The following LGI1 variants were observed in gnomAD, a reference collection of about 807,000 sequenced individuals.
LGI1 encodes the protein leucine-rich glioma-inactivated protein 1.
LGI1 carries 11 observed loss-of-function variants against 57.7 expected under a neutral mutation model. The observed-to-expected ratio is 0.19, with a 90% CI of 0.12 to 0.32. The LOEUF (loss-of-function observed/expected upper bound fraction) is 0.32, where lower values mean the gene tolerates loss of function less well. LGI1 is among the 10% of genes least tolerant of loss of function. The probability of loss-of-function intolerance (pLI) is 1.00; values close to 1 mark genes in which losing one functional copy is unlikely to be tolerated. For missense variants in LGI1, 422 were observed against 661.9 expected, an observed-to-expected ratio of 0.64 and a Z score of 3.98; for synonymous variants, 222 against 241.9, an observed-to-expected ratio of 0.92 and a Z score of 0.76.
At chr10:93,783,218 T>C (rs1004818621) in intron 4 of LGI1, among the ~76,000 whole-genome samples, 7 of 151,582 alleles carry the variant, frequency 4.6e-5, no homozygotes, top group Non-Finnish European at 1.0e-4. Context: ...CTACTAAAAA[T>C]ACAAAAAATT....
intron 2 of LGI1, chr10:93,768,932 T>A (rs898999783): frequency 6.6e-6 from 1 of 152,222 alleles, no homozygotes; most frequent in Non-Finnish European, 1.5e-5. Flanking sequence ...GTTGGTAATC[T>A]AATTAAGGAT....
chr10:93,787,284 C>A (rs937446305), intron 4 of LGI1, among the ~76,000 whole-genome samples: 3 of 152,178 alleles, frequency 2.0e-5, no homozygotes, highest in Non-Finnish European at 2.9e-5. Context: ...AATCCACCCA[C>A]CATTTCTCCC....
chr10:93,758,886 C>T lies in LGI1; in HGVS notation c.287+55C>T. ...TAATATGGCATATATTTGGATAAGC[C>T]TTCTAGTAAAATGATCTCAATATTA... On this transcript the variant is annotated intron_variant, in intron 2 of 7. Coordinates refer to ENST00000371418, the MANE Select transcript of LGI1 (RefSeq NM_005097.4). This position sits in a 1 kb window ranked among gnomAD's most constrained non-coding sequence, Gnocchi z 4.7. The T allele has an allele frequency of 8.2e-7, 1 of 1,215,314 alleles. No individual in the cohort carries two copies. The highest frequency in any genetic ancestry group is 1.2e-5 in the South Asian group (1 of 81,482). The allele number at this position is 1,215,314 out of a possible 1,614,324, so 75.3% of individuals were successfully genotyped here.
chr10:93,790,197 C>T, intron 5 of LGI1, 27 bp downstream of exon 5: 1 of 1,540,832 alleles, frequency 6.5e-7, no homozygotes, highest in Non-Finnish European at 8.9e-7. Flanking sequence ...AATCACTGAA[C>T]AATTAATTAA....
intron 4 of LGI1, among the ~76,000 whole-genome samples, chr10:93,784,210 G>A (rs965116470): frequency 2.0e-5 from 3 of 151,858 alleles, no homozygotes; most frequent in African/African-American, 4.8e-5. Context: ...TCTCCCAATC[G>A]GCTCCACCCC....
At position 93,789,743 on chromosome 10, in the gene LGI1, G is replaced by A. The variant is rs1289479925; in HGVS notation, c.432-356G>A. On this transcript the variant is annotated intron_variant, in intron 4 of 7. Coordinates refer to ENST00000371418, the MANE Select transcript of LGI1 (RefSeq NM_005097.4). ...ACAACAATTAGCCGGGTATGGTGGC[G>A]GGCACATGTAATCCCAGCTACGGCA... 10 of 217,858 alleles carry A rather than the reference G, an allele frequency of 4.6e-5. No homozygotes were observed. The East Asian group carries it at 6.6e-4, about 14-fold the overall frequency. The allele number at this position is 217,858 out of a possible 1,614,324, so 13.5% of individuals were successfully genotyped here.
At chr10:93,760,505 A>G (rs1306981936) in intron 2 of LGI1, among the ~76,000 whole-genome samples, 1 of 152,246 alleles carries the variant, frequency 6.6e-6, no homozygotes, top group Non-Finnish European at 1.5e-5. Flanking sequence ...ACATAGATCT[A>G]GTTACATAGA....
chr10:93,782,548 T>C (rs1343617471), intron 4 of LGI1, among the ~76,000 whole-genome samples: 1 of 152,134 alleles, frequency 6.6e-6, no homozygotes, highest in Admixed American at 6.5e-5. Context: ...CATTTAAACA[T>C]TTTCTGTGAA....
At chr10:93,761,455 C>G (rs574185892) in intron 2 of LGI1, among the ~76,000 whole-genome samples, 2 of 152,180 alleles carry the variant, frequency 1.3e-5, no homozygotes, top group Non-Finnish European at 2.9e-5. Context: ...AGGGTTAAAG[C>G]AAATGTCCTA....
chr10:93,779,686 T>C (rs1410857335), intron 4 of LGI1, among the ~76,000 whole-genome samples: 1 of 152,176 alleles, frequency 6.6e-6, no homozygotes, highest in Admixed American at 6.5e-5. Flanking sequence ...GCCCTTTCTT[T>C]AGCAGTATGG....
At chr10:93,796,902 C>A (rs2059984780) in intron 7 of LGI1, 66 bp from the exon 8 acceptor site, 1 of 1,288,562 alleles carries the variant, frequency 7.8e-7, no homozygotes, top group Non-Finnish European at 1.1e-6. Context: ...ATGGCCCCAG[C>A]CCGCATGTTT....
In LGI1 at chr10:93,758,453, A is replaced by AG. The variant is rs1448176556; in HGVS notation, c.215+95dup. 6 of 1,201,612 alleles carry AG rather than the reference A, an allele frequency of 5.0e-6. No individual in the cohort carries two copies. The highest frequency in any genetic ancestry group is 2.6e-4 in the Middle Eastern group (1 of 3,900). The allele number at this position is 1,201,612 out of a possible 1,614,324, so 74.4% of individuals were successfully genotyped here. ...TGCATGTATTTGTAGAAGGGCATGG[A>AG]GAGAGAGATTCCTCTTGCATGCTTG... On this transcript the variant is annotated intron_variant, in intron 1 of 7. Coordinates refer to ENST00000371418, the MANE Select transcript of LGI1 (RefSeq NM_005097.4). This position sits in a 1 kb window ranked among gnomAD's most constrained non-coding sequence, Gnocchi z 4.7.
In LGI1 at chr10:93,797,611, T is replaced by C. The variant is rs1057521026; in HGVS notation, c.1482T>C (p.Ser494=). 3 of 1,614,188 alleles carry C rather than the reference T, an allele frequency of 1.9e-6. No individual in the cohort carries two copies. In the East Asian group the frequency reaches 6.7e-5, roughly 36 times the overall value. The change falls in exon 8 of 8, where the codon AGT becomes AGC. Residue 494 remains serine (S), a synonymous_variant. Coordinates refer to ENST00000371418, the MANE Select transcript of LGI1 (RefSeq NM_005097.4). The surrounding 1 kb of genome is among the most constrained non-coding windows in gnomAD (Gnocchi z 6.5). The stretch of plus-strand genomic sequence containing the variant: ...ATTACCAATATGCAATTCTTGGAAG[T>C]GATTACTCCTTTACTCAAGTGTATA... ...INNYQYAILG[S]DYSFTQVYNW... is the part of the protein sequence containing the mutation.
chr10:93,786,765 T>G (rs2059895101), intron 4 of LGI1, among the ~76,000 whole-genome samples: 1 of 152,154 alleles, frequency 6.6e-6, no homozygotes, highest in South Asian at 2.1e-4. Flanking sequence ...AACTAATTTT[T>G]GTATTTTTCG....
chr10:93,784,917 T>G (rs1197260479), intron 4 of LGI1, among the ~76,000 whole-genome samples: 1 of 152,194 alleles, frequency 6.6e-6, no homozygotes, highest in East Asian at 1.9e-4. Context: ...CACTTGCTTT[T>G]GATGGGCTCT....
intron 2 of LGI1, chr10:93,769,281 T>A (rs973639924): frequency 1.3e-5 from 2 of 152,212 alleles, no homozygotes; most frequent in Non-Finnish European, 2.9e-5. Context: ...AACCTGTGCA[T>A]CCTGTGCTCT....
chr10:93,759,034 A>C (rs2133976484), intron 2 of LGI1: 1 of 593,506 alleles, frequency 1.7e-6, no homozygotes, highest in Non-Finnish European at 3.0e-6. Flanking sequence ...AAATCTGTTA[A>C]CCTGTCATGC....
intron 2 of LGI1, chr10:93,770,195 T>C (rs754543090): frequency 3.9e-5 from 6 of 152,234 alleles, no homozygotes; most frequent in Admixed American, 6.5e-5. Flanking sequence ...TCACAAATGA[T>C]CTAGTCTAGT....
chr10:93,784,064 T>C (rs2059874706), intron 4 of LGI1, among the ~76,000 whole-genome samples: 1 of 152,214 alleles, frequency 6.6e-6, no homozygotes, highest in Admixed American at 6.5e-5. Flanking sequence ...GCTTACTTTG[T>C]GCCAGGCACT....
Sources: allele counts gnomAD v4.1 joint callset (sites outside exome capture counted in the v4.1 genomes callset), GRCh38; gene constraint gnomAD v4.1.1; non-coding constraint Gnocchi (gnomAD v3.1); transcripts MANE v1.5; gene names NCBI Gene and HGNC (gene_info 2026-07-23, HGNC 2026-07-21).